CEP126: variants seen among roughly 807,000 people sequenced by gnomAD.
CEP126 encodes the protein centrosomal protein of 126 kDa.
In CEP126, 74 loss-of-function variants were observed where a neutral mutation model predicts 107.8. That is an observed-to-expected ratio of 0.69 (90% CI 0.57 to 0.83). The LOEUF (loss-of-function observed/expected upper bound fraction) is 0.83, where lower values mean the gene tolerates loss of function less well. Among genes scored for constraint, CEP126 ranks in the 40% least tolerant of loss-of-function variants. The pLI, the probability that CEP126 is intolerant of heterozygous loss-of-function variation, is 0.00. For missense variants in CEP126, 1,237 were observed against 1,281.9 expected, an observed-to-expected ratio of 0.96 and a Z score of 0.53; for synonymous variants, 449 against 446.0, an observed-to-expected ratio of 1.01 and a Z score of -0.08.
intron 2 of CEP126, among the ~76,000 whole-genome samples, chr11:101,930,717 T>A (rs936472389): frequency 6.6e-6 from 1 of 152,214 alleles, no homozygotes; most frequent in Non-Finnish European, 1.5e-5. Flanking sequence ...TTTTACAGAA[T>A]GCTGATTGGG....
In CEP126 at chr11:101,915,274, T is replaced by C; in HGVS notation, c.-11T>C. The C allele has an allele frequency of 6.2e-7, 1 of 1,613,242 alleles. No individual in the cohort carries two copies. The highest frequency in any genetic ancestry group is 8.5e-7 in the Non-Finnish European group (1 of 1,179,794). ...CTGGGGGCGAGCAGACAGGCGGCGC[T>C]GAAGTGAAGGATGCTGGCGGGGAGG... On this transcript the variant is annotated 5_prime_UTR_variant, in exon 1 of 11. Coordinates refer to ENST00000263468, the MANE Select transcript of CEP126 (RefSeq NM_020802.4).
chr11:101,937,200 A>C (rs1228570884), intron 2 of CEP126, among the ~76,000 whole-genome samples: 1 of 152,240 alleles, frequency 6.6e-6, no homozygotes, highest in Non-Finnish European at 1.5e-5. Flanking sequence ...TCATTGTCTC[A>C]GTCAACCACG....
At chr11:101,971,326 TG>T (rs1373131065) in intron 6 of CEP126, among the ~76,000 whole-genome samples, 1 of 150,392 alleles carries the variant, frequency 6.6e-6, no homozygotes, top group Non-Finnish European at 1.5e-5. Context: ...ATAATACACA[TG>T]AAAAAAAAAA....
At chr11:101,982,563 G>A (rs1401215760) in intron 8 of CEP126, among the ~76,000 whole-genome samples, 3 of 151,940 alleles carry the variant, frequency 2.0e-5, no homozygotes, top group South Asian at 4.2e-4. Flanking sequence ...ATTAGAGTTC[G>A]AAATTTTCTT....
chr11:101,915,419 T>C lies in CEP126; in HGVS notation c.128+7T>C. ...ACCGACCTGGCTCTTACCTGTATCC[T>C]TCCCAGCCTGTGGCTGCCAGGGTAG... On this transcript the variant is annotated splice_region_variant and intron_variant, in intron 1 of 10. Transcript: ENST00000263468. The C allele has an allele frequency of 6.2e-7, 1 of 1,603,014 alleles. No homozygotes were observed. The highest frequency in any genetic ancestry group is 8.5e-7 in the Non-Finnish European group (1 of 1,172,552).
At chr11:101,976,045 C>T (rs188544908) in intron 6 of CEP126, among the ~76,000 whole-genome samples, 53 of 152,306 alleles carry the variant, frequency 3.5e-4, no homozygotes, top group Non-Finnish European at 7.4e-4. Context: ...TAAGCATACA[C>T]ATGCACGTGT....
In CEP126 at chr11:101,962,610, C is replaced by T. The variant is rs1227353353; in HGVS notation, c.1575C>T (p.Ala525=). ...TATTTTCAGACAGTTTTCAAGATGC[C>T]TATATACCTCACAATCCTGATTCAA... ...LPLFSDSFQD[A]YIPHNPDSKD... is the part of the protein sequence containing the mutation. Residue 525 remains alanine (A), a synonymous_variant, in exon 6 of 11, where the codon GCC becomes GCT. Coordinates refer to ENST00000263468, the MANE Select transcript of CEP126 (RefSeq NM_020802.4). The T allele has an allele frequency of 6.2e-7, 1 of 1,613,528 alleles. No individual in the cohort carries two copies. The highest frequency in any genetic ancestry group is 2.2e-5 in the East Asian group (1 of 44,814).
intron 2 of CEP126, among the ~76,000 whole-genome samples, chr11:101,939,789 T>G (rs1467316572): frequency 6.6e-6 from 1 of 152,214 alleles, no homozygotes; most frequent in Non-Finnish European, 1.5e-5. Flanking sequence ...GGGGAAGGCT[T>G]ATAAACTCAT....
intron 6 of CEP126, 57 bp downstream of exon 6, chr11:101,963,937 G>A: frequency 8.5e-7 from 1 of 1,172,354 alleles, no homozygotes; most frequent in Non-Finnish European, 1.2e-6. Flanking sequence ...TTAAAGTCAT[G>A]TGAAATTGTT....
chr11:101,926,808 T>C (rs1940418816), intron 2 of CEP126, among the ~76,000 whole-genome samples: 1 of 152,252 alleles, frequency 6.6e-6, no homozygotes, highest in East Asian at 1.9e-4. Flanking sequence ...TTTCATATAG[T>C]TTATGATAAA....
chr11:101,993,910 C>G (rs1941413728), intron 10 of CEP126, among the ~76,000 whole-genome samples: 1 of 151,982 alleles, frequency 6.6e-6, no homozygotes, highest in East Asian at 1.9e-4. Context: ...TTGTTTCTTG[C>G]TTGTTAATTC....
At chr11:101,972,153 C>T (rs966089679) in intron 6 of CEP126, among the ~76,000 whole-genome samples, 2 of 151,384 alleles carry the variant, frequency 1.3e-5, no homozygotes, top group Non-Finnish European at 2.9e-5. Flanking sequence ...AATTGCCGGG[C>T]GTGGTGGGTC....
chr11:101,992,776 A>G lies in CEP126; in HGVS notation c.3245-2A>G. 1 of 1,416,722 alleles carries G rather than the reference A, an allele frequency of 7.1e-7. No homozygotes were observed. The highest frequency in any genetic ancestry group is 9.6e-7 in the Non-Finnish European group (1 of 1,037,128). The allele number at this position is 1,416,722 out of a possible 1,614,324, so 87.8% of individuals were successfully genotyped here. A position where few individuals can be genotyped will look rare whatever the true frequency, so the allele number is the denominator to read the frequency against. ...TTTGGTATTGTGATATAATTATTTC[A>G]GATATACAAGAATCCATTTGCAAAA... On this transcript the variant is annotated splice_acceptor_variant, in intron 9 of 10. Coordinates refer to ENST00000263468, the MANE Select transcript of CEP126 (RefSeq NM_020802.4). LOFTEE classifies it high-confidence loss of function.
rs576008866 is a variant in CEP126 at position 101,960,989 on chromosome 11, T to G, written c.706-752T>G. 2.0e-5 allele frequency among the ~76,000 whole-genome samples: 3 copies of G among 152,252 alleles called. No individual in the cohort carries two copies. In the East Asian group the frequency reaches 5.8e-4, roughly 29 times the overall value. On this transcript the variant is annotated intron_variant, in intron 5 of 10. Transcript: ENST00000263468. The stretch of plus-strand genomic sequence containing the variant: ...GTAATTTTGAAATATTATTAAAGAC[T>G]GACAAATTTCATGTAAATTTCAGTG...
intron 4 of CEP126, 110 bp from the exon 5 acceptor site, chr11:101,958,058 G>A: frequency 1.2e-6 from 1 of 867,036 alleles, no homozygotes; most frequent in Non-Finnish European, 1.8e-6. Flanking sequence ...CTTATATGTG[G>A]TTATCTGGAC....
At chr11:101,940,884 A>G (rs1468291929) in intron 2 of CEP126, among the ~76,000 whole-genome samples, 3 of 152,232 alleles carry the variant, frequency 2.0e-5, no homozygotes, top group African/African-American at 7.2e-5. Flanking sequence ...TATCACTTCC[A>G]TAACATTCTG....
Position 101,966,052 on chromosome 11 carries a change from G to A in CEP126, c.2845+2172G>A, listed in dbSNP as rs115223631. Among the ~76,000 whole-genome samples, 621 of 152,176 alleles carry A rather than the reference G, an allele frequency of 4.1e-3. 2 individuals carry two copies. Among genetic ancestry groups the A allele is most frequent in the African/African-American group, 0.014 (584 of 41,540 alleles). ...AGGAATGGGATACATTTTATCTGGA[G>A]AAACCAATATTTTCCTGACATTTAG... On this transcript the variant is annotated intron_variant, in intron 6 of 10. Transcript: ENST00000263468.
intron 2 of CEP126, among the ~76,000 whole-genome samples, chr11:101,939,159 T>C (rs1302205725): frequency 1.3e-5 from 2 of 152,208 alleles, no homozygotes; most frequent in African/African-American, 4.8e-5. Flanking sequence ...AGTTGTTCTG[T>C]TACAAAGAAA....
chr11:101,963,707 A>T lies in CEP126; in HGVS notation c.2672A>T (p.His891Leu), dbSNP rs201471185. The T allele has an allele frequency of 2.5e-6, 4 of 1,614,092 alleles. No homozygotes were observed. The highest frequency in any genetic ancestry group is 3.4e-6 in the Non-Finnish European group (4 of 1,180,030). Residue 891 changes from histidine (H) to leucine (L), a missense_variant, in exon 6 of 11, where the codon CAT becomes CTT. His to Leu is a moderately conservative substitution (Grantham distance 99). This residue lies in a region of CEP126 where 1,134 missense variants were observed against 1,150.5 expected (regional missense o/e 0.99). Transcript: ENST00000263468. The stretch of plus-strand genomic sequence containing the variant: ...TGCCAAACTTTCGCAAAAATAAATC[A>T]TTCAAATGGCACTCAAGCAGTTGCC... The part of the protein sequence containing the change: ...SECQTFAKIN[H>L]SNGTQAVARQ...
Sources: allele counts gnomAD v4.1 joint callset (sites outside exome capture counted in the v4.1 genomes callset), GRCh38; gene constraint gnomAD v4.1.1; regional missense constraint gnomAD v4.1.1; transcripts MANE v1.5; gene names NCBI Gene and HGNC (gene_info 2026-07-23, HGNC 2026-07-21).